The following ROBO1 variants were observed in gnomAD, a reference collection of about 807,000 sequenced individuals.
The protein encoded by ROBO1 is roundabout homolog 1.
Under a neutral mutation model 195.9 loss-of-function variants are expected in ROBO1, and 149 were observed. The ratio of observed to expected loss-of-function variants is 0.76; its 90% CI spans 0.67 to 0.87. The LOEUF is 0.87. ROBO1 is among the 40% of genes least tolerant of loss of function. The pLI is 0.00. For missense variants in ROBO1, 1,933 were observed against 2,068.3 expected, an observed-to-expected ratio of 0.93 and a Z score of 1.27; for synonymous variants, 816 against 733.2, an observed-to-expected ratio of 1.11 and a Z score of -1.82.
intron 2 of ROBO1, among the ~76,000 whole-genome samples, chr3:79,210,039 T>C (rs997018632): frequency 6.6e-6 from 1 of 152,220 alleles, no homozygotes; most frequent in South Asian, 2.1e-4. Context: ...ACTACAAAAC[T>C]GCTAAAAGAA....
intron 2 of ROBO1, among the ~76,000 whole-genome samples, chr3:79,513,935 G>A (rs541816896): frequency 6.6e-6 from 1 of 152,202 alleles, no homozygotes; most frequent in South Asian, 2.1e-4. Flanking sequence ...AATAATGTTG[G>A]TATAACACAA....
At position 79,125,494 on chromosome 3, in the gene ROBO1, G is replaced by C; in HGVS notation, c.134C>G (p.Pro45Arg). 4 of 1,613,602 alleles carry C rather than the reference G, an allele frequency of 2.5e-6. No homozygotes were observed. Among genetic ancestry groups the C allele is most frequent in the Non-Finnish European group, 3.4e-6 (4 of 1,179,750 alleles). Residue 45 changes from proline (P) to arginine (R), a missense_variant, in exon 3 of 31, where the codon CCC (proline) becomes CGC (arginine). Physicochemically the swap from Pro to Arg is moderately radical, Grantham distance 103. Transcript: ENST00000464233. Reference sequence around the variant, plus strand: ...CGAATTGTCATCGTTATCAGAGGTGGGGATTGGCGTCCCGTGGTCGTTCCC... The same window carrying C: ...CGAATTGTCATCGTTATCAGAGGTGCGGATTGGCGTCCCGTGGTCGTTCCC... ...ERGNDHGTPIPTSDNDDNSLG... is the reference protein window; with the variant it reads ...ERGNDHGTPIRTSDNDDNSLG...
chr3:79,717,598 A>C (rs7430371), intron 1 of ROBO1, among the ~76,000 whole-genome samples: 43,512 of 151,828 alleles, frequency 0.29, 7,151 homozygotes, highest in African/African-American at 0.45. Flanking sequence ...AATGTTTCAC[A>C]CATCTTTTTG....
intron 2 of ROBO1, among the ~76,000 whole-genome samples, chr3:79,259,204 G>A (rs1172548252): frequency 4.6e-5 from 7 of 152,044 alleles, no homozygotes; most frequent in Non-Finnish European, 8.8e-5. Context: ...GAGCACAGTG[G>A]TGCAATCTTG....
chr3:79,025,557 A>G (rs967680645), intron 3 of ROBO1, among the ~76,000 whole-genome samples: 1 of 152,130 alleles, frequency 6.6e-6, no homozygotes, highest in Non-Finnish European at 1.5e-5. Flanking sequence ...TATATTTTTG[A>G]AAAATGCTTC....
intron 19 of ROBO1, among the ~76,000 whole-genome samples, chr3:78,650,158 A>C (rs947718038): frequency 2.6e-5 from 4 of 152,080 alleles, no homozygotes; most frequent in African/African-American, 7.2e-5. Flanking sequence ...AAAGACACCC[A>C]AAACCCCTTG....
chr3:79,701,235 T>G (rs1947614088), intron 1 of ROBO1, among the ~76,000 whole-genome samples: 1 of 151,862 alleles, frequency 6.6e-6, no homozygotes, highest in Non-Finnish European at 1.5e-5. Context: ...GGCCTTATAG[T>G]GTAGTCTGAA....
intron 1 of ROBO1, among the ~76,000 whole-genome samples, chr3:79,637,751 A>T (rs984078388): frequency 3.3e-5 from 5 of 152,158 alleles, no homozygotes; most frequent in Admixed American, 6.5e-5. Context: ...GCATGACTTT[A>T]GAAAGACTCC....
intron 1 of ROBO1, among the ~76,000 whole-genome samples, chr3:79,721,448 C>T (rs966591733): frequency 1.3e-5 from 2 of 152,024 alleles, no homozygotes; most frequent in African/African-American, 4.8e-5. Flanking sequence ...GTCAGTGATT[C>T]AAATATTGGT....
intron 2 of ROBO1, among the ~76,000 whole-genome samples, chr3:79,585,262 A>T (rs1943792922): frequency 6.6e-6 from 1 of 151,952 alleles, no homozygotes; most frequent in Admixed American, 6.6e-5. Flanking sequence ...AAGTCCAGCT[A>T]CTTAATATCT....
At chr3:79,354,605 A>G (rs2035471758) in intron 2 of ROBO1, among the ~76,000 whole-genome samples, 1 of 152,144 alleles carries the variant, frequency 6.6e-6, no homozygotes, top group African/African-American at 2.4e-5. Flanking sequence ...ATAACAATTC[A>G]AGCACAGCAG....
chr3:79,443,729 G>T (rs770895971), intron 2 of ROBO1, among the ~76,000 whole-genome samples: 6 of 152,052 alleles, frequency 3.9e-5, no homozygotes, highest in Non-Finnish European at 7.4e-5. Context: ...GTACAAGGTG[G>T]ATAATTTATT....
intron 2 of ROBO1, among the ~76,000 whole-genome samples, chr3:79,244,543 T>C (rs541556837): frequency 3.7e-4 from 56 of 152,276 alleles, no homozygotes; most frequent in Middle Eastern, 3.4e-3. Context: ...TGCTTTGCTT[T>C]TGTGAAAAAC....
intron 2 of ROBO1, among the ~76,000 whole-genome samples, chr3:79,228,367 A>G (rs1359163849): frequency 2.6e-5 from 4 of 152,198 alleles, no homozygotes; most frequent in Non-Finnish European, 5.9e-5. Flanking sequence ...TGTGTGAAAC[A>G]TCAATACTTG....
intron 19 of ROBO1, among the ~76,000 whole-genome samples, chr3:78,649,584 T>C (rs1575840581): frequency 6.6e-6 from 1 of 152,332 alleles, no homozygotes; most frequent in Admixed American, 6.5e-5. Context: ...TTAAAATATT[T>C]CACTTTCTTT....
At chr3:78,748,878 C>T (rs1421925335) in intron 4 of ROBO1, among the ~76,000 whole-genome samples, 2 of 152,138 alleles carry the variant, frequency 1.3e-5, no homozygotes, top group Non-Finnish European at 2.9e-5. Context: ...CAAAATAAAT[C>T]TGATCTCGCC....
intron 2 of ROBO1, among the ~76,000 whole-genome samples, chr3:79,376,605 C>T (rs775940170): frequency 3.3e-5 from 5 of 152,090 alleles, no homozygotes; most frequent in Non-Finnish European, 5.9e-5. Flanking sequence ...TCCCTGAACA[C>T]GCTTTCTTGC....
intron 3 of ROBO1, among the ~76,000 whole-genome samples, chr3:79,114,126 T>C (rs2079946261): frequency 6.6e-6 from 1 of 152,206 alleles, no homozygotes; most frequent in Non-Finnish European, 1.5e-5. Flanking sequence ...CCTTTATCCT[T>C]CTGCTATGAT....
At chr3:78,657,754 T>C (rs1308150718) in intron 17 of ROBO1, among the ~76,000 whole-genome samples, 1 of 152,226 alleles carries the variant, frequency 6.6e-6, no homozygotes, top group East Asian at 1.9e-4. Context: ...AACAGTTCTC[T>C]GGGATCAACC....
Sources: gnomAD v4.1 joint callset for allele counts (sites outside exome capture counted in the v4.1 genomes callset) on GRCh38, gnomAD v4.1.1 for gene constraint, MANE v1.5 for transcripts, NCBI Gene and HGNC (gene_info 2026-07-23, HGNC 2026-07-21) for gene names.